The following ENTPD5 variants were observed in gnomAD, a reference collection of about 807,000 sequenced individuals.
ENTPD5 encodes the protein nucleoside diphosphate phosphatase ENTPD5.
A neutral mutation model predicts 60.2 loss-of-function variants in ENTPD5; 49 were observed. That is an observed-to-expected ratio of 0.81 (90% CI 0.65 to 1.03). The LOEUF is 1.03. ENTPD5 is among the 50% of genes least tolerant of loss of function. The probability of loss-of-function intolerance (pLI) is 0.00; values close to 1 mark genes in which losing one functional copy is unlikely to be tolerated. For missense variants in ENTPD5, 480 were observed against 507.6 expected, an observed-to-expected ratio of 0.95 and a Z score of 0.52; for synonymous variants, 187 against 185.4, an observed-to-expected ratio of 1.01 and a Z score of -0.07.
In ENTPD5 at chr14:73,974,065, A is replaced by T. The variant is rs1431140962; in HGVS notation, c.785-87T>A. 4.7e-6 allele frequency: 5 copies of T among 1,055,556 alleles called. No individual in the cohort carries two copies. The African/African-American group carries it at 6.3e-5, about 13-fold the overall frequency. 65.4% of individuals were successfully genotyped at this position (1,055,556 alleles called of 1,614,324 possible). On this transcript the variant is annotated intron_variant, in intron 11 of 15. Transcript: ENST00000334696. ...CAAGAAGCCAGTGAGGTGGAAAAGA[A>T]TCACCATGGGGGCTGGGCCTTAAAA...
In ENTPD5 at chr14:73,976,398, G is replaced by A. The variant is rs1190122152; in HGVS notation, c.568C>T (p.His190Tyr). 6.2e-7 allele frequency: 1 copy of A among 1,614,112 alleles called. No homozygotes were observed. Among genetic ancestry groups the A allele is most frequent in the Middle Eastern group, 1.6e-4 (1 of 6,062 alleles). Residue 190 changes from histidine (H) to tyrosine (Y), a missense_variant, in exon 9 of 16, where the codon CAC (histidine) becomes TAC (tyrosine). Physicochemically the swap from His to Tyr is moderately conservative, Grantham distance 83. Coordinates refer to ENST00000334696, the MANE Select transcript of ENTPD5 (RefSeq NM_001249.5). ...VNFLTGQLHG[H>Y]RQETVGTLDL... ...AAGGTCCCCACAGTCTCCTGTCTGTGGCCATGCAGCTGACCTGTCAAATGA... is the reference window on the plus strand; with the variant it reads ...AAGGTCCCCACAGTCTCCTGTCTGTAGCCATGCAGCTGACCTGTCAAATGA...
chr14:73,981,533 A>C (rs1244945654), intron 6 of ENTPD5, among the ~76,000 whole-genome samples: 2 of 151,454 alleles, frequency 1.3e-5, no homozygotes, highest in African/African-American at 4.9e-5. Flanking sequence ...GTGGTGGCTC[A>C]TGCCTGTTCC....
chr14:73,978,075 G>T (rs17782344), intron 6 of ENTPD5, among the ~76,000 whole-genome samples: 47,889 of 152,054 alleles, frequency 0.31, 9,122 homozygotes, highest in Non-Finnish European at 0.42. Context: ...ATTTCTGATG[G>T]ATGAAACATA....
rs372254935 is a variant in ENTPD5, at chr14:73,972,996, G to A, written c.915C>T (p.Ala305=). ...EGEVGFEPCY[A]EVLRVVRGKL... is the part of the protein sequence containing the mutation. The stretch of plus-strand genomic sequence containing the variant: ...TTCCTCGTACCACCCTCAGCACTTC[G>A]GCATAGCAGGGCTCAAAGCCCACCT... The change falls in exon 13 of 16, where the codon GCC becomes GCT. Residue 305 remains alanine (A), a synonymous_variant. Transcript: ENST00000334696. The A allele has an allele frequency of 8.7e-5, 141 of 1,614,048 alleles. No individual in the cohort carries two copies. The highest frequency in any genetic ancestry group is 6.0e-5 in the Non-Finnish European group (71 of 1,180,044).
At chr14:73,986,554 G>GT (rs770736136) in intron 5 of ENTPD5, 4 of 393,548 alleles carry the variant, frequency 1.0e-5, no homozygotes, top group Non-Finnish European at 1.8e-5. Context: ...ATTTTAAACA[G>GT]TAAGTACATA....
At chr14:73,999,790 T>C (rs2058450406) in intron 3 of ENTPD5, among the ~76,000 whole-genome samples, 1 of 138,510 alleles carries the variant, frequency 7.2e-6, no homozygotes, top group Non-Finnish European at 1.5e-5. Flanking sequence ...AGACTCCGTC[T>C]CAAAAAAAAA....
At chr14:73,981,807 CAAA>C (rs56117033) in intron 6 of ENTPD5, among the ~76,000 whole-genome samples, 15 of 124,820 alleles carry the variant, frequency 1.2e-4, no homozygotes, top group Admixed American at 1.5e-4. Context: ...ACTCTGTTTC[CAAA>C]AAAAAAAAAA....
intron 5 of ENTPD5, 91 bp from the exon 6 acceptor site, chr14:73,983,252 A>G: frequency 3.6e-6 from 5 of 1,374,946 alleles, no homozygotes; most frequent in Non-Finnish European, 4.9e-6. Context: ...GGGAGCAAGA[A>G]GAGGGAGGTG....
intron 13 of ENTPD5, 78 bp from the exon 14 acceptor site, chr14:73,971,986 T>C: frequency 1.2e-6 from 1 of 854,048 alleles, no homozygotes. Flanking sequence ...TCATTCATTA[T>C]ATACACATGT....
intron 1 of ENTPD5, among the ~76,000 whole-genome samples, chr14:74,017,443 G>A (rs2059056945): frequency 1.3e-5 from 2 of 151,840 alleles, no homozygotes; most frequent in East Asian, 3.9e-4. Flanking sequence ...GCCAGGGATG[G>A]TGGTGTGTGC....
At chr14:73,986,709 A>G (rs1443255379) in intron 5 of ENTPD5, 105 bp downstream of exon 5, 7 of 806,492 alleles carry the variant, frequency 8.7e-6, no homozygotes, top group Non-Finnish European at 1.5e-5. Flanking sequence ...GATCTCACAC[A>G]TGATCTCAAT....
chr14:73,982,581 C>A (rs1305626079), intron 6 of ENTPD5, among the ~76,000 whole-genome samples: 1 of 151,604 alleles, frequency 6.6e-6, no homozygotes, highest in African/African-American at 2.4e-5. Context: ...GCAGTGAAAC[C>A]CCGTCTCTAC....
intron 3 of ENTPD5, among the ~76,000 whole-genome samples, chr14:73,989,832 CAAAAA>C (rs57558687): frequency 1.9e-5 from 1 of 52,360 alleles, no homozygotes; most frequent in Non-Finnish European, 3.4e-5. Context: ...GACTCAGTCT[CAAAAA>C]AAAAAAAAAA....
At chr14:73,979,925 G>C (rs989562555) in intron 6 of ENTPD5, among the ~76,000 whole-genome samples, 4 of 151,028 alleles carry the variant, frequency 2.6e-5, no homozygotes, top group African/African-American at 9.7e-5. Flanking sequence ...CTGTAATACA[G>C]AGTCCTTTTT....
intron 3 of ENTPD5, among the ~76,000 whole-genome samples, chr14:73,995,623 G>A (rs1424296595): frequency 7.8e-6 from 1 of 127,422 alleles, no homozygotes; most frequent in African/African-American, 3.2e-5. Flanking sequence ...AATAATAGCT[G>A]ACTGCTTTCC....
intron 3 of ENTPD5, among the ~76,000 whole-genome samples, chr14:74,001,073 C>T (rs1274562452): frequency 2.6e-5 from 4 of 151,894 alleles, no homozygotes; most frequent in Non-Finnish European, 5.9e-5. Context: ...TTAAAAATAG[C>T]GAGGCCAGGT....
intron 15 of ENTPD5, 126 bp from the exon 16 acceptor site, chr14:73,967,140 CCA>C (rs2057009794): frequency 2.8e-6 from 2 of 720,802 alleles, no homozygotes; most frequent in Middle Eastern, 2.4e-4. Flanking sequence ...CGGACAGAAG[CCA>C]GTCTTTGCAG....
At chr14:73,962,862 A>G (rs2056813022), downstream of ENTPD5, 16 of 974,252 alleles carry the variant, frequency 1.6e-5, no homozygotes, top group South Asian at 2.1e-4. Context: ...TTTAGCTGAA[A>G]TAAAACAAGG....
At chr14:73,961,203 G>A (rs760972463), downstream of ENTPD5, 7 of 1,613,910 alleles carry the variant, frequency 4.3e-6, no homozygotes, top group African/African-American at 2.7e-5. Context: ...GGACTTCATC[G>A]ACACAGCTGG....
Sources: allele counts gnomAD v4.1 joint callset (sites outside exome capture counted in the v4.1 genomes callset), GRCh38; gene constraint gnomAD v4.1.1; transcripts MANE v1.5; gene names NCBI Gene and HGNC (gene_info 2026-07-23, HGNC 2026-07-21).